Variants in CCDC57 observed in about 807,000 individuals in gnomAD.
CCDC57 encodes the protein coiled-coil domain-containing protein 57.
CCDC57 carries 118 observed loss-of-function variants against 118.9 expected under a neutral mutation model. The observed-to-expected ratio is 0.99, with a 90% CI of 0.86 to 1.16. CCDC57 has a LOEUF of 1.16. CCDC57 is among the 50% of genes most tolerant of loss of function. The pLI is 0.00. For missense variants in CCDC57, 1,300 were observed against 1,320.7 expected, an observed-to-expected ratio of 0.98 and a Z score of 0.24; for synonymous variants, 527 against 532.9, an observed-to-expected ratio of 0.99 and a Z score of 0.15.
chr17:82,149,546 C>A (rs540737270), intron 16 of CCDC57, among the ~76,000 whole-genome samples: 1 of 152,120 alleles, frequency 6.6e-6, no homozygotes, highest in African/African-American at 2.4e-5. Context: ...TGCTAACCTG[C>A]GGTGTTGTTC....
chr17:82,104,747 A>C (rs1466091747), intron 19 of CCDC57: 1 of 152,080 alleles, frequency 6.6e-6, no homozygotes, highest in Non-Finnish European at 1.5e-5. Context: ...CACCATGTTA[A>C]CCAGGATGGT....
At position 82,199,705 on chromosome 17, in the gene CCDC57, G is replaced by A. The variant is rs913528775; in HGVS notation, c.408-1283C>T. On this transcript the variant is annotated intron_variant, in intron 3 of 19. Transcript: ENST00000665763. ...GTCCAAGCACTGCACGCACCTGCAC[G>A]GACTCGGCGCCCAGACGAGGTGCAG... Among the ~76,000 whole-genome samples the A allele has an allele frequency of 3.3e-5, 5 of 152,138 alleles. No homozygotes were observed. In the East Asian group the frequency reaches 5.8e-4, roughly 18 times the overall value.
At chr17:82,171,919 G>A (rs1047817942) in intron 12 of CCDC57, 66 bp from the exon 12 acceptor site, 3 of 1,554,554 alleles carry the variant, frequency 1.9e-6, no homozygotes, top group Non-Finnish European at 1.8e-6. Context: ...CCTCCTGTGA[G>A]CACCAGCTCA....
intron 2 of CCDC57, among the ~76,000 whole-genome samples, chr17:82,206,341 C>T (rs998471004): frequency 4.6e-5 from 7 of 152,254 alleles, no homozygotes; most frequent in Non-Finnish European, 1.0e-4. Context: ...ATAACTCTCA[C>T]ACGTCACAGT....
intron 15 of CCDC57, chr17:82,156,992 T>C (rs189842469): frequency 5.3e-5 from 8 of 150,688 alleles, no homozygotes; most frequent in African/African-American, 1.7e-4. Context: ...TAGGTCACTA[T>C]TGGTAACTAT....
chr17:82,162,878 G>A (rs1483349082), intron 14 of CCDC57, among the ~76,000 whole-genome samples: 6 of 144,624 alleles, frequency 4.1e-5, no homozygotes, highest in South Asian at 2.2e-4. Flanking sequence ...AGGTGGCATC[G>A]GGCAGCCCGC....
At chr17:82,197,830 C>A (rs1279919083) in intron 4 of CCDC57, among the ~76,000 whole-genome samples, 1 of 152,142 alleles carries the variant, frequency 6.6e-6, no homozygotes, top group Non-Finnish European at 1.5e-5. Context: ...CCTTCTCCTG[C>A]CCTTGGACAT....
chr17:82,171,999 A>G, intron 12 of CCDC57, 146 bp from the exon 12 acceptor site: 1 of 825,176 alleles, frequency 1.2e-6, no homozygotes, highest in Non-Finnish European at 1.9e-6. Context: ...GCTTCACCGT[A>G]GTTTCCACAC....
At chr17:82,166,506 C>A (rs1468317758) in intron 13 of CCDC57, among the ~76,000 whole-genome samples, 2 of 151,642 alleles carry the variant, frequency 1.3e-5, no homozygotes. Flanking sequence ...CAGATCGAGA[C>A]CCTGTCTCTA....
intron 11 of CCDC57, among the ~76,000 whole-genome samples, chr17:82,174,870 A>G (rs2045267404): frequency 6.6e-6 from 1 of 152,230 alleles, no homozygotes; most frequent in East Asian, 1.9e-4. Context: ...AAGGTATACA[A>G]GTTAATCAAG....
chr17:82,192,873 G>A lies in CCDC57; in HGVS notation c.851+883C>T, dbSNP rs1208283405. Among the ~76,000 whole-genome samples, 4 of 152,138 alleles carry A rather than the reference G, an allele frequency of 2.6e-5. No homozygotes were observed. Among genetic ancestry groups the A allele is most frequent in the Admixed American group, 2.0e-4 (3 of 15,282 alleles). ...AAAAAATGCAAGAAAAATCGCCTGA[G>A]TCACTGTCCATCGCCGTTGTATTAC... On this transcript the variant is annotated intron_variant, in intron 7 of 19. Coordinates refer to ENST00000665763, the Ensembl canonical transcript of CCDC57. The surrounding 1 kb of genome is among the most constrained non-coding windows in gnomAD (Gnocchi z 4.0).
At chr17:82,210,594 C>T (rs572772713) in intron 1 of CCDC57, among the ~76,000 whole-genome samples, 86 of 151,090 alleles carry the variant, frequency 5.7e-4, no homozygotes, top group South Asian at 1.7e-3. Context: ...GCAGGACAAT[C>T]ACTTGAACCC....
chr17:82,172,994 C>T lies in CCDC57; in HGVS notation c.1507-134G>A, dbSNP rs1289462703. On this transcript the variant is annotated intron_variant, in intron 11 of 19. Coordinates refer to ENST00000665763, the Ensembl canonical transcript of CCDC57. The surrounding 1 kb of genome is among the most constrained non-coding windows in gnomAD (Gnocchi z 5.2). ...TTCAGCTTGGGCTGTGGTCCCTCCC[C>T]ATCCCCAGGCTGTGATGCCCCTCCT... 2.7e-6 allele frequency: 2 copies of T among 732,254 alleles called. No individual in the cohort carries two copies. The highest frequency in any genetic ancestry group is 4.4e-5 in the Admixed American group (2 of 45,714). The allele number at this position is 732,254 out of a possible 1,614,324, so 45.4% of individuals were successfully genotyped here.
intron 7 of CCDC57, among the ~76,000 whole-genome samples, chr17:82,189,190 C>T (rs533014789): frequency 2.0e-5 from 3 of 152,184 alleles, no homozygotes; most frequent in East Asian, 1.9e-4. Context: ...ACCACCGGAG[C>T]GTGGGAGGTC....
intron 19 of CCDC57, among the ~76,000 whole-genome samples, chr17:82,115,425 TA>T (rs1242997444): frequency 6.6e-6 from 1 of 152,080 alleles, no homozygotes; most frequent in Non-Finnish European, 1.5e-5. Flanking sequence ...ACAAACAGTT[TA>T]AAAAAATTAA....
chr17:82,115,028 G>A (rs1281185121), intron 19 of CCDC57, among the ~76,000 whole-genome samples: 4 of 152,220 alleles, frequency 2.6e-5, no homozygotes, highest in Non-Finnish European at 5.9e-5. Flanking sequence ...CCACGAGGCT[G>A]GCAGTCACCC....
exon 3 of CCDC57, chr17:82,201,679 C>A: frequency 6.2e-7 from 1 of 1,613,412 alleles, no homozygotes; most frequent in Non-Finnish European, 8.5e-7. Context: ...CACCTCTGCC[C>A]GCCTGGCCTC....
chr17:82,199,989 C>T (rs2048801211), intron 3 of CCDC57, among the ~76,000 whole-genome samples: 1 of 152,166 alleles, frequency 6.6e-6, no homozygotes, highest in South Asian at 2.1e-4. Flanking sequence ...GCTCAGGGTA[C>T]ATCTGCTGCA....
chr17:82,124,309 C>G (rs1239325678), intron 19 of CCDC57, among the ~76,000 whole-genome samples: 1 of 152,150 alleles, frequency 6.6e-6, no homozygotes. Flanking sequence ...AGAACAGGCC[C>G]TATCTGCAAA....
Sources: gnomAD v4.1 joint callset for allele counts (sites outside exome capture counted in the v4.1 genomes callset) on GRCh38, gnomAD v4.1.1 for gene constraint, Gnocchi (gnomAD v3.1) non-coding constraint, MANE v1.5 for transcripts, NCBI Gene and HGNC (gene_info 2026-07-23, HGNC 2026-07-21) for gene names.